Variants in PRR3 observed in about 807,000 individuals in gnomAD.
PRR3 encodes the protein proline-rich protein 3.
Under a neutral mutation model 22.4 loss-of-function variants are expected in PRR3, and 16 were observed. That is an observed-to-expected ratio of 0.71 (90% CI 0.48 to 1.09). The LOEUF is 1.09. Ranked by LOEUF, PRR3 falls within the 50% of genes least tolerant of loss-of-function variation. The probability of loss-of-function intolerance (pLI) is 0.00; values close to 1 mark genes in which losing one functional copy is unlikely to be tolerated. For synonymous variants in PRR3, 87 were observed against 88.6 expected (o/e 0.98, Z 0.10); for missense variants, 224 against 243.4 (o/e 0.92, Z 0.53).
At chr6:30,557,123 C>CA, upstream of PRR3, 1 of 702,642 alleles carries the variant, frequency 1.4e-6, no homozygotes. Flanking sequence ...AGAAACGCAG[C>CA]AAAGGGAAGG....
intron 2 of PRR3, among the ~76,000 whole-genome samples, chr6:30,559,572 A>G (rs1250583988): frequency 2.6e-5 from 4 of 152,180 alleles, no homozygotes; most frequent in African/African-American, 9.7e-5. Context: ...GGAGATCTAA[A>G]TGAACTAAAG....
rs752311286 is a variant in PRR3, at chr6:30,558,178, C to T, written c.135C>T (p.Pro45=). ...CACCCAGCCTTCTGGGCCCTCCCCC[C>T]ATGGCCAATGGAAAACCTGGCGACC... ...IGPPSLLGPP[P]MANGKPGDPK... The change falls in exon 2 of 4, where the codon CCC becomes CCT. Residue 45 remains proline, a synonymous_variant. Coordinates refer to ENST00000376560, the MANE Select transcript of PRR3 (RefSeq NM_025263.4). The T allele has an allele frequency of 6.2e-7, 1 of 1,613,056 alleles. No individual in the cohort carries two copies. Among genetic ancestry groups the T allele is most frequent in the East Asian group, 2.2e-5 (1 of 44,882 alleles).
intron 3 of PRR3, 28 bp downstream of exon 3, chr6:30,562,152 C>T: frequency 6.5e-7 from 1 of 1,528,036 alleles, no homozygotes; most frequent in Non-Finnish European, 8.8e-7. Flanking sequence ...ATGCCCATTA[C>T]TCCCAGAGTG....
chr6:30,559,075 C>T (rs943423423), intron 2 of PRR3, among the ~76,000 whole-genome samples: 1 of 152,160 alleles, frequency 6.6e-6, no homozygotes, highest in Admixed American at 6.5e-5. Flanking sequence ...AATTGAACTC[C>T]GTTAGAAAAT....
intron 2 of PRR3, among the ~76,000 whole-genome samples, chr6:30,559,142 C>G (rs1800456697): frequency 1.3e-5 from 2 of 152,196 alleles, no homozygotes; most frequent in Admixed American, 1.3e-4. Flanking sequence ...CTTTGGGAGG[C>G]CGAGGCGGGC....
chr6:30,556,992 G>A, upstream of PRR3: 1 of 660,272 alleles, frequency 1.5e-6, no homozygotes, highest in South Asian at 1.6e-5. This position sits in a 1 kb window ranked among gnomAD's most constrained non-coding sequence, Gnocchi z 5.7. Context: ...CTTACGGTGC[G>A]ACAGTCCTCT....
rs1800660264 is a variant in PRR3 at position 30,561,921 on chromosome 6, T to C, written c.257T>C (p.Ile86Thr). ...LPPPPWGRGP[I>T]RRGLGPRSSP... ...CCTCCTCCTTGGGGTAGAGGCCCAA[T>C]TCGGAGAGGGCTTGGCCCCAGGTCT... is the stretch of plus-strand genomic sequence containing the variant. Residue 86 changes from isoleucine to threonine, a missense_variant, in exon 3 of 4, where the codon ATT (isoleucine) becomes ACT (threonine). Ile to Thr is a moderately conservative substitution (Grantham distance 89). Coordinates refer to ENST00000376560, the MANE Select transcript of PRR3 (RefSeq NM_025263.4). The surrounding 1 kb of genome is among the most constrained non-coding windows in gnomAD (Gnocchi z 4.0). 6.2e-7 allele frequency: 1 copy of C among 1,612,636 alleles called. No homozygotes were observed. Among genetic ancestry groups the C allele is most frequent in the East Asian group, 2.2e-5 (1 of 44,894 alleles).
chr6:30,558,264 AG>A (rs1240011677), intron 2 of PRR3, 52 bp downstream of exon 2: 1 of 1,478,944 alleles, frequency 6.8e-7, no homozygotes. Context: ...GAAGACAGCA[AG>A]GGAGGGGATA....
At chr6:30,560,474 TCA>T (rs963588448) in intron 2 of PRR3, 1 of 152,034 alleles carries the variant, frequency 6.6e-6, no homozygotes, top group African/African-American at 2.4e-5. Flanking sequence ...GTACAGAGTT[TCA>T]GTTTTGCAAG....
rs559104075 is a variant in PRR3 at position 30,562,393 on chromosome 6, A to G, written c.465A>G (p.Lys155=). Residue 155 remains lysine, a synonymous_variant, in exon 4 of 4, where the codon AAA becomes AAG. Coordinates refer to ENST00000376560, the MANE Select transcript of PRR3 (RefSeq NM_025263.4). ...TCCATTTTCACTTGTTCACAGACAA[A>G]TCCGACCGCCCTGTCTGCCGACATT... The part of the protein sequence containing the change: ...PKDDPQVMED[K]SDRPVCRHFA... 4.5e-5 allele frequency: 73 copies of G among 1,613,104 alleles called. No homozygotes were observed. The East Asian group carries it at 1.4e-3, about 31-fold the overall frequency.
rs778534522 is a variant in PRR3, at chr6:30,562,143, T to C, written c.460+19T>C. 7 of 1,545,178 alleles carry C rather than the reference T, an allele frequency of 4.5e-6. No homozygotes were observed. The highest frequency in any genetic ancestry group is 5.2e-6 in the Non-Finnish European group (6 of 1,149,872). On this transcript the variant is annotated intron_variant, in intron 3 of 3. Transcript: ENST00000376560. ...ATGGAAGGTGAGGTCCATTTTGTTA[T>C]GCCCATTACTCCCAGAGTGACCTAA...
At chr6:30,558,363 T>C in intron 2 of PRR3, 151 bp downstream of exon 2, 1 of 641,636 alleles carries the variant, frequency 1.6e-6, no homozygotes, top group Non-Finnish European at 2.7e-6. Flanking sequence ...ATTTAAAAAC[T>C]CAATGTTGTA....
At chr6:30,557,032 G>C (rs1800271525), upstream of PRR3, 1 of 696,708 alleles carries the variant, frequency 1.4e-6, no homozygotes, top group Non-Finnish European at 2.6e-6. Context: ...AGAGCCTGTT[G>C]ACTCTGTGAC....
intron 2 of PRR3, chr6:30,559,933 G>C (rs1409104329): frequency 1.3e-5 from 2 of 152,234 alleles, no homozygotes; most frequent in Non-Finnish European, 2.9e-5. Context: ...GATAAATGTG[G>C]CGTGTACATA....
Position 30,562,038 on chromosome 6 carries a change from AG to A in PRR3, c.376del (p.Glu126AsnfsTer79). Reference sequence around the variant, plus strand: ...GGTCCCACCAGGGGAAGCTTTCACAAGGAACAGAGAAACCCTCGAAGGCTCA... The same window carrying A: ...GGTCCCACCAGGGGAAGCTTTCACAAGAACAGAGAAACCCTCGAAGGCTCA... ...HGGPTRGSFH[K>X]EQRNPRRLKS... is the part of the protein sequence containing the mutation. On this transcript the variant is annotated frameshift_variant, in exon 3 of 4. Transcript: ENST00000376560. LOFTEE classifies it high-confidence loss of function. 6.2e-7 allele frequency: 1 copy of A among 1,612,960 alleles called. No individual in the cohort carries two copies. The highest frequency in any genetic ancestry group is 8.5e-7 in the Non-Finnish European group (1 of 1,179,992).
Position 30,561,331 on chromosome 6 carries a change from C to T in PRR3, c.170-503C>T, listed in dbSNP as rs1156583744. On this transcript the variant is annotated intron_variant, in intron 2 of 3. Transcript: ENST00000376560. This position sits in a 1 kb window ranked among gnomAD's most constrained non-coding sequence, Gnocchi z 4.0. Reference sequence around the variant, plus strand: ...ATAGTGGCATTTCTCGTTATAGCCCCAAACTGGATACCACCCACATGTCCA... The same window carrying T: ...ATAGTGGCATTTCTCGTTATAGCCCTAAACTGGATACCACCCACATGTCCA... The T allele has an allele frequency of 2.2e-6, 1 of 458,000 alleles. No homozygotes were observed. Among genetic ancestry groups the T allele is most frequent in the Admixed American group, 2.4e-5 (1 of 42,328 alleles). 28.4% of individuals were successfully genotyped at this position (458,000 alleles called of 1,614,324 possible).
In PRR3 at chr6:30,563,422, C is replaced by G. The variant is rs1406843159; in HGVS notation, c.*927C>G. On this transcript the variant is annotated 3_prime_UTR_variant, in exon 4 of 4. Transcript: ENST00000376560. Reference sequence around the variant, plus strand: ...TTAGACTATGTCATTGTGAGGCCACCAGTCCATTCATTTGAATTCTGTGAA... The same window carrying G: ...TTAGACTATGTCATTGTGAGGCCACGAGTCCATTCATTTGAATTCTGTGAA... 6.5e-6 allele frequency: 1 copy of G among 152,672 alleles called. No homozygotes were observed. Among genetic ancestry groups the G allele is most frequent in the Non-Finnish European group, 1.5e-5 (1 of 68,086 alleles). 9.5% of individuals were successfully genotyped at this position (152,672 alleles called of 1,614,324 possible).
Position 30,561,626 on chromosome 6 carries a change from CT to C in PRR3, c.170-204del. On this transcript the variant is annotated intron_variant, in intron 2 of 3. Coordinates refer to ENST00000376560, the MANE Select transcript of PRR3 (RefSeq NM_025263.4). The surrounding 1 kb of genome is among the most constrained non-coding windows in gnomAD (Gnocchi z 4.0). ...GGGAAAAGGGGCACAAGGGGAGGAT[CT>C]TTTGAGGTGCTAATAAGGCTTTATC... 1.7e-6 allele frequency: 1 copy of C among 604,958 alleles called. No individual in the cohort carries two copies. Among genetic ancestry groups the C allele is most frequent in the Non-Finnish European group, 2.9e-6 (1 of 343,554 alleles). The allele number at this position is 604,958 out of a possible 1,614,324, so 37.5% of individuals were successfully genotyped here.
At chr6:30,557,618 C>T (rs1454355859) in intron 1 of PRR3, among the ~76,000 whole-genome samples, 168 bp downstream of exon 1, 2 of 152,228 alleles carry the variant, frequency 1.3e-5, no homozygotes, top group East Asian at 3.9e-4. Flanking sequence ...ACCAGGAGTT[C>T]TCTTACTGGA....
Sources: gnomAD v4.1 joint callset for allele counts (sites outside exome capture counted in the v4.1 genomes callset) on GRCh38, gnomAD v4.1.1 for gene constraint, Gnocchi (gnomAD v3.1) non-coding constraint, MANE v1.5 for transcripts, NCBI Gene and HGNC (gene_info 2026-07-23, HGNC 2026-07-21) for gene names.